PPARGC1A: variants seen among roughly 807,000 people sequenced by gnomAD.
PPARGC1A encodes the protein peroxisome proliferator-activated receptor gamma coactivator 1-alpha.
A neutral mutation model predicts 88.7 loss-of-function variants in PPARGC1A; 25 were observed. The observed-to-expected ratio is 0.28, with a 90% confidence interval of 0.21 to 0.39. The LOEUF is 0.39. Among genes scored for constraint, PPARGC1A ranks in the 10% least tolerant of loss-of-function variants. The pLI, the probability that PPARGC1A is intolerant of heterozygous loss-of-function variation, is 1.00. For missense variants in PPARGC1A, 880 were observed against 968.7 expected, an observed-to-expected ratio of 0.91 and a Z score of 1.22; for synonymous variants, 363 against 355.6, an observed-to-expected ratio of 1.02 and a Z score of -0.24.
At chr4:23,998,525 AATG>A in the PPARGC1A span, among the ~76,000 whole-genome samples, 1 of 152,130 alleles carries the variant, frequency 6.6e-6, no homozygotes, top group Non-Finnish European at 1.5e-5. Context: ...AGCTATGCAA[AATG>A]ATATCTTCTT....
the PPARGC1A span, among the ~76,000 whole-genome samples, chr4:24,088,047 A>T: frequency 1.3e-5 from 2 of 152,142 alleles, no homozygotes; most frequent in African/African-American, 4.8e-5. Flanking sequence ...GATAAAATAT[A>T]ATGTGAAAAT....
chr4:24,367,970 C>CA, the PPARGC1A span, among the ~76,000 whole-genome samples: 1 of 152,174 alleles, frequency 6.6e-6, no homozygotes, highest in Non-Finnish European at 1.5e-5. Context: ...CATCACTCTC[C>CA]AACACACCCT....
the PPARGC1A span, among the ~76,000 whole-genome samples, chr4:23,961,338 G>A: frequency 0.31 from 46,770 of 151,940 alleles, 7,599 homozygotes; most frequent in Non-Finnish European, 0.37. Flanking sequence ...AGGATTTCAG[G>A]GATGCAGCTA....
chr4:23,879,483 G>C (rs538623803), intron 2 of PPARGC1A, among the ~76,000 whole-genome samples: 3 of 152,192 alleles, frequency 2.0e-5, no homozygotes, highest in Non-Finnish European at 4.4e-5. Flanking sequence ...AACCAGGAAC[G>C]ATATCCACGA....
chr4:24,218,852 T>C, the PPARGC1A span, among the ~76,000 whole-genome samples: 4 of 152,228 alleles, frequency 2.6e-5, no homozygotes, highest in Non-Finnish European at 5.9e-5. Context: ...TTTTCCTGAA[T>C]AGAGTAATTT....
the PPARGC1A span, among the ~76,000 whole-genome samples, chr4:23,981,618 G>A: frequency 6.6e-6 from 1 of 152,086 alleles, no homozygotes; most frequent in Non-Finnish European, 1.5e-5. Flanking sequence ...GGAGAGCCCA[G>A]GTCCAAACCC....
chr4:24,371,993 G>C, the PPARGC1A span, among the ~76,000 whole-genome samples: 5 of 151,992 alleles, frequency 3.3e-5, no homozygotes, highest in East Asian at 9.7e-4. Context: ...AAATAAGGTT[G>C]CCTCTCTTCT....
intron 5 of PPARGC1A, among the ~76,000 whole-genome samples, chr4:23,826,097 C>A (rs574813321): frequency 6.6e-6 from 1 of 151,984 alleles, no homozygotes; most frequent in South Asian, 2.1e-4. Context: ...GGAAGACTCT[C>A]GAATTCTGAT....
At chr4:24,178,241 C>T in the PPARGC1A span, among the ~76,000 whole-genome samples, 1 of 152,244 alleles carries the variant, frequency 6.6e-6, no homozygotes, top group South Asian at 2.1e-4. Flanking sequence ...CGATGCCTTC[C>T]AGAACCTAAT....
chr4:23,985,907 T>TA, the PPARGC1A span, among the ~76,000 whole-genome samples: 1 of 152,014 alleles, frequency 6.6e-6, no homozygotes, highest in Non-Finnish European at 1.5e-5. Flanking sequence ...ATATGCTGGT[T>TA]AAAAAATCAG....
At chr4:24,442,232 C>T in the PPARGC1A span, among the ~76,000 whole-genome samples, 1 of 152,138 alleles carries the variant, frequency 6.6e-6, no homozygotes, top group Non-Finnish European at 1.5e-5. Flanking sequence ...CTTGCTGTTT[C>T]ACCTCCAAGT....
chr4:23,928,499 TG>T, the PPARGC1A span, among the ~76,000 whole-genome samples: 1 of 152,048 alleles, frequency 6.6e-6, no homozygotes, highest in South Asian at 2.1e-4. Flanking sequence ...ATACTGTTGG[TG>T]GGAATGTAAA....
chr4:24,020,927 C>G, the PPARGC1A span, among the ~76,000 whole-genome samples: 8 of 152,168 alleles, frequency 5.3e-5, no homozygotes, highest in African/African-American at 1.9e-4. Context: ...GAGTTAAAAC[C>G]CTGCCTCTGT....
chr4:23,977,876 T>G, the PPARGC1A span, among the ~76,000 whole-genome samples: 1 of 152,194 alleles, frequency 6.6e-6, no homozygotes, highest in Non-Finnish European at 1.5e-5. Context: ...TTCAAGACAT[T>G]TCTGTATTAT....
At chr4:23,847,698 C>T (rs1379823825) in intron 2 of PPARGC1A, among the ~76,000 whole-genome samples, 1 of 152,130 alleles carries the variant, frequency 6.6e-6, no homozygotes, top group Admixed American at 6.5e-5. Context: ...TAAAATGAAA[C>T]ATAGCCATTA....
the PPARGC1A span, among the ~76,000 whole-genome samples, chr4:24,129,046 G>A: frequency 6.6e-6 from 1 of 152,154 alleles, no homozygotes; most frequent in Admixed American, 6.6e-5. Context: ...TGTAAGCAGA[G>A]CAAAAAATTA....
the PPARGC1A span, among the ~76,000 whole-genome samples, chr4:24,186,157 C>G: frequency 6.6e-6 from 1 of 151,856 alleles, no homozygotes; most frequent in African/African-American, 2.4e-5. Flanking sequence ...GTGTGGGGCA[C>G]AGAGAGGGTG....
At chr4:24,191,772 C>G in the PPARGC1A span, among the ~76,000 whole-genome samples, 1 of 152,212 alleles carries the variant, frequency 6.6e-6, no homozygotes, top group African/African-American at 2.4e-5. Flanking sequence ...ATAAAAATCA[C>G]AGCCCATCAT....
chr4:24,414,919 G>A, the PPARGC1A span, among the ~76,000 whole-genome samples: 2 of 152,186 alleles, frequency 1.3e-5, no homozygotes, highest in Admixed American at 6.5e-5. Context: ...GCCGGACATG[G>A]TGGCTCATGC....
Sources: allele counts gnomAD v4.1 joint callset (sites outside exome capture counted in the v4.1 genomes callset), GRCh38; gene constraint gnomAD v4.1.1; transcripts MANE v1.5; gene names NCBI Gene and HGNC (gene_info 2026-07-23, HGNC 2026-07-21).